Variants in BCAS3 observed in about 807,000 individuals in gnomAD.
BCAS3 encodes BCAS4/BCAS3 fusion.
Under a neutral mutation model 116.1 loss-of-function variants are expected in BCAS3, and 53 were observed. That is an observed-to-expected ratio of 0.46 (90% CI 0.37 to 0.57). BCAS3 has a LOEUF of 0.57. BCAS3 is among the 20% of genes least tolerant of loss of function. BCAS3 has a pLI of 0.00. For synonymous variants in BCAS3, 391 were observed against 408.2 expected, an observed-to-expected ratio of 0.96 and a Z score of 0.51; for missense variants, 917 against 1,165.4, an observed-to-expected ratio of 0.79 and a Z score of 3.10.
chr17:61,207,549 T>C (rs1395828976), intron 22 of BCAS3, among the ~76,000 whole-genome samples: 1 of 152,036 alleles, frequency 6.6e-6, no homozygotes, highest in Non-Finnish European at 1.5e-5. Flanking sequence ...GGCATTCTAT[T>C]CTGTGAAGGT....
At chr17:60,901,088 G>A (rs1350681043) in intron 10 of BCAS3, among the ~76,000 whole-genome samples, 1 of 152,022 alleles carries the variant, frequency 6.6e-6, no homozygotes, top group Non-Finnish European at 1.5e-5. Context: ...GCATGTGCCT[G>A]TAATCCCAGC....
At chr17:60,917,295 CCATTAAA>C (rs891043586) in intron 12 of BCAS3, among the ~76,000 whole-genome samples, 5 of 152,164 alleles carry the variant, frequency 3.3e-5, no homozygotes, top group Non-Finnish European at 7.3e-5. Context: ...AAGTCTCTGC[CCATTAAA>C]CAATAACTTC....
intron 13 of BCAS3, among the ~76,000 whole-genome samples, chr17:60,930,849 T>C (rs2059610308): frequency 6.6e-6 from 1 of 152,008 alleles, no homozygotes; most frequent in Non-Finnish European, 1.5e-5. Context: ...ACCAGGCCCA[T>C]AGCCACTTCC....
rs1007330154 is a variant in BCAS3, at chr17:61,104,248, T to C, written c.2425+19684T>C. On this transcript the variant is annotated intron_variant, in intron 22 of 23. Coordinates refer to ENST00000407086, the MANE Select transcript of BCAS3 (RefSeq NM_017679.5). This position sits in a 1 kb window ranked among gnomAD's most constrained non-coding sequence, Gnocchi z 4.1. Reference sequence around the variant, plus strand: ...CACAGACTCATGTCAGCAAAGATGCTGAGAGTTTTATTCCAGTCTTTTAGG... The same window carrying C: ...CACAGACTCATGTCAGCAAAGATGCCGAGAGTTTTATTCCAGTCTTTTAGG... Among the ~76,000 whole-genome samples the C allele has an allele frequency of 7.9e-5, 12 of 152,194 alleles. No individual in the cohort carries two copies. The highest frequency in any genetic ancestry group is 2.9e-4 in the African/African-American group (12 of 41,446).
rs1016334366 is a variant in BCAS3 at position 60,955,386 on chromosome 17, A to ATTT, written c.1221+8051_1221+8053dup. Among the ~76,000 whole-genome samples, 33 of 128,076 alleles carry ATTT rather than the reference A, an allele frequency of 2.6e-4. 1 individual carries two copies. The highest frequency in any genetic ancestry group is 1.1e-3 in the African/African-American group (30 of 28,238). 84.0% of individuals were successfully genotyped at this position (128,076 alleles called of 152,430 possible). On this transcript the variant is annotated intron_variant, in intron 14 of 23. Coordinates refer to ENST00000407086, the MANE Select transcript of BCAS3 (RefSeq NM_017679.5). ...AAAGGATCTAGTTCAGGGAAACTGAATTTTTTTTTTTTTTTTTTTGAGACA... is the reference window on the plus strand; with the variant it reads ...AAAGGATCTAGTTCAGGGAAACTGAATTTTTTTTTTTTTTTTTTTTTTGAGACA...
chr17:61,172,987 C>CAAATAAATAAATAAAT lies in BCAS3; in HGVS notation c.2425+88429_2425+88444dup, dbSNP rs56769937. Among the ~76,000 whole-genome samples, 62 of 149,724 alleles carry CAAATAAATAAATAAAT rather than the reference C, an allele frequency of 4.1e-4. No individual in the cohort carries two copies. In the East Asian group the frequency reaches 5.9e-3, roughly 14 times the overall value. On this transcript the variant is annotated intron_variant, in intron 22 of 23. Transcript: ENST00000407086. Reference sequence around the variant, plus strand: ...TGGGCGACAGAGCAAGATTCCATCTCAAATAAATAAATAAATAAATAGGAT... The same window carrying CAAATAAATAAATAAAT: ...TGGGCGACAGAGCAAGATTCCATCTCAAATAAATAAATAAATAAATAAATAAATAAATAAATAGGAT...
chr17:60,816,495 G>C (rs1361046997), intron 7 of BCAS3, among the ~76,000 whole-genome samples: 1 of 151,976 alleles, frequency 6.6e-6, no homozygotes, highest in South Asian at 2.1e-4. Flanking sequence ...GGATGGTCCC[G>C]ATCTCCTGAC....
chr17:61,242,453 G>A (rs1042625600), intron 22 of BCAS3, among the ~76,000 whole-genome samples: 12 of 152,040 alleles, frequency 7.9e-5, no homozygotes, highest in African/African-American at 2.2e-4. Flanking sequence ...CCAAATACAC[G>A]TTTGGTTAAT....
At chr17:61,150,022 G>T (rs2077457488) in intron 22 of BCAS3, among the ~76,000 whole-genome samples, 1 of 152,148 alleles carries the variant, frequency 6.6e-6, no homozygotes, top group South Asian at 2.1e-4. Context: ...GTTTGCAGAT[G>T]TTTTTTCCTA....
intron 19 of BCAS3, among the ~76,000 whole-genome samples, chr17:61,058,794 G>T (rs2069661392): frequency 1.3e-5 from 2 of 152,088 alleles, no homozygotes; most frequent in African/African-American, 4.8e-5. Context: ...AAGTGAAGCA[G>T]ACATTGAATA....
intron 22 of BCAS3, among the ~76,000 whole-genome samples, chr17:61,329,500 C>T (rs2056067069): frequency 6.6e-6 from 1 of 151,968 alleles, no homozygotes; most frequent in Non-Finnish European, 1.5e-5. Flanking sequence ...GCCACCACGC[C>T]CGGCTAATTT....
At position 61,017,886 on chromosome 17, in the gene BCAS3, A is replaced by G. The variant is rs1010542332; in HGVS notation, c.1637+1985A>G. On this transcript the variant is annotated intron_variant, in intron 16 of 23. Coordinates refer to ENST00000407086, the MANE Select transcript of BCAS3 (RefSeq NM_017679.5). The surrounding 1 kb of genome is among the most constrained non-coding windows in gnomAD (Gnocchi z 4.7). ...TAGTCATTTGGTGTCCTCCTGTGTT[A>G]CTACACATTATGAATTTAGATAAAA... 4.6e-5 allele frequency among the ~76,000 whole-genome samples: 7 copies of G among 152,118 alleles called. No individual in the cohort carries two copies. The highest frequency in any genetic ancestry group is 1.7e-4 in the African/African-American group (7 of 41,422).
rs2079966901 is a variant in BCAS3, at chr17:61,189,360, T to C, written c.2425+104796T>C. Among the ~76,000 whole-genome samples the C allele has an allele frequency of 6.6e-6, 1 of 152,216 alleles. No individual in the cohort carries two copies. The highest frequency in any genetic ancestry group is 6.5e-5 in the Admixed American group (1 of 15,282). On this transcript the variant is annotated intron_variant, in intron 22 of 23. Coordinates refer to ENST00000407086, the MANE Select transcript of BCAS3 (RefSeq NM_017679.5). The surrounding 1 kb of genome is among the most constrained non-coding windows in gnomAD (Gnocchi z 4.5). ...CATAAGGAGGTTGACCTTGCCATCATATAAAGTCCTAGCAGGCAAGTCATA... is the reference window on the plus strand; with the variant it reads ...CATAAGGAGGTTGACCTTGCCATCACATAAAGTCCTAGCAGGCAAGTCATA...
intron 7 of BCAS3, among the ~76,000 whole-genome samples, chr17:60,847,009 A>G (rs1362836093): frequency 6.6e-6 from 1 of 151,692 alleles, no homozygotes; most frequent in African/African-American, 2.4e-5. Context: ...GCAACCAACA[A>G]TCTGCCTTCT....
At chr17:61,100,859 A>G (rs908257048) in intron 22 of BCAS3, among the ~76,000 whole-genome samples, 2 of 144,312 alleles carry the variant, frequency 1.4e-5, no homozygotes, top group South Asian at 2.1e-4. Context: ...TTAACAACAT[A>G]CTTTTTAGAT....
chr17:60,843,080 C>A (rs1020205435), intron 7 of BCAS3, among the ~76,000 whole-genome samples: 1 of 149,172 alleles, frequency 6.7e-6, no homozygotes, highest in Non-Finnish European at 1.5e-5. Context: ...TGCTACGCTA[C>A]TAAGGCTGAT....
Position 61,056,807 on chromosome 17 carries a change from C to T in BCAS3, c.2029+15915C>T, listed in dbSNP as rs1048839277. Among the ~76,000 whole-genome samples the T allele has an allele frequency of 5.3e-5, 8 of 152,188 alleles. No individual in the cohort carries two copies. Among genetic ancestry groups the T allele is most frequent in the African/African-American group, 1.9e-4 (8 of 41,440 alleles). ...TATTGAGACACAGAGGTGTTATCTC[C>T]ATAAAAATGACCATTGCATCCATGC... On this transcript the variant is annotated intron_variant, in intron 19 of 23. Coordinates refer to ENST00000407086, the MANE Select transcript of BCAS3 (RefSeq NM_017679.5). The surrounding 1 kb of genome is among the most constrained non-coding windows in gnomAD (Gnocchi z 4.9).
rs1487493100 is a variant in BCAS3, at chr17:61,349,955, A to T, written c.2426-18372A>T. On this transcript the variant is annotated intron_variant, in intron 22 of 23. Coordinates refer to ENST00000407086, the MANE Select transcript of BCAS3 (RefSeq NM_017679.5). The surrounding 1 kb of genome is among the most constrained non-coding windows in gnomAD (Gnocchi z 4.7). The stretch of plus-strand genomic sequence containing the variant: ...ATTCATTTCTGAATAGTTAAGATCA[A>T]TAATCTCTCCTGAACAATTGGCTTT... Among the ~76,000 whole-genome samples, 1 of 152,232 alleles carries T rather than the reference A, an allele frequency of 6.6e-6. No homozygotes were observed. The highest frequency in any genetic ancestry group is 1.5e-5 in the Non-Finnish European group (1 of 68,042).
In BCAS3 at chr17:61,380,375, G is replaced by T. The variant is rs1184112168; in HGVS notation, c.2594-11602G>T. 2.6e-6 allele frequency: 2 copies of T among 771,342 alleles called. No individual in the cohort carries two copies. The highest frequency in any genetic ancestry group is 4.2e-5 in the Admixed American group (2 of 47,868). The allele number at this position is 771,342 out of a possible 1,614,324, so 47.8% of individuals were successfully genotyped here. ...TGTGCTGTGCCTGGGAACAGACCAT[G>T]AACACCCCCGCAAAGCTCTCAGTGG... On this transcript the variant is annotated intron_variant, in intron 23 of 23. Transcript: ENST00000407086. The surrounding 1 kb of genome is among the most constrained non-coding windows in gnomAD (Gnocchi z 4.2).
Sources: gnomAD v4.1 joint callset for allele counts (sites outside exome capture counted in the v4.1 genomes callset) on GRCh38, gnomAD v4.1.1 for gene constraint, Gnocchi (gnomAD v3.1) non-coding constraint, MANE v1.5 for transcripts, NCBI Gene and HGNC (gene_info 2026-07-23, HGNC 2026-07-21) for gene names.